RALGAPA1: variants seen among roughly 807,000 people sequenced by gnomAD.
The protein encoded by RALGAPA1 is ral GTPase-activating protein subunit alpha-1.
A neutral mutation model predicts 269.6 loss-of-function variants in RALGAPA1; 52 were observed. That is an observed-to-expected ratio of 0.19 (90% CI 0.15 to 0.24). The LOEUF is 0.24. Ranked by LOEUF, RALGAPA1 falls within the 10% of genes least tolerant of loss-of-function variation. RALGAPA1 has a pLI of 1.00. For missense variants in RALGAPA1, 1,917 were observed against 3,013.9 expected (o/e 0.64, Z 8.52); for synonymous variants, 817 against 1,008.3 (o/e 0.81, Z 3.60).
chr14:35,625,464 A>G, intron 34 of RALGAPA1, 32 bp from the exon 35 acceptor site: 1 of 1,477,240 alleles, frequency 6.8e-7, no homozygotes, highest in Non-Finnish European at 9.3e-7. Flanking sequence ...CATTTTCATC[A>G]CCTTTGCAGT....
chr14:35,559,799 G>A lies in RALGAPA1; in HGVS notation c.7497-10565C>T, dbSNP rs1400999216. Among the ~76,000 whole-genome samples, 5 of 152,294 alleles carry A rather than the reference G, an allele frequency of 3.3e-5. No individual in the cohort carries two copies. In the East Asian group the frequency reaches 7.7e-4, roughly 24 times the overall value. ...CAAAAGTACTTTATTCATCAATAAC[G>A]TGTAAAAGTGTAATAATGTGTAAAA... On this transcript the variant is annotated intron_variant, in intron 39 of 41. Coordinates refer to ENST00000680220, the MANE Select transcript of RALGAPA1 (RefSeq NM_001346249.2).
chr14:35,597,574 AGCCCCCCAGT>A (rs1275392548), intron 36 of RALGAPA1, among the ~76,000 whole-genome samples: 1 of 152,030 alleles, frequency 6.6e-6, no homozygotes, highest in African/African-American at 2.4e-5. Flanking sequence ...CTTTACCCAG[AGCCCCCCAGT>A]GCAAAACTCT....
intron 19 of RALGAPA1, 52 bp from the exon 20 acceptor site, chr14:35,685,197 A>T: frequency 7.0e-7 from 1 of 1,435,180 alleles, no homozygotes; most frequent in Non-Finnish European, 9.4e-7. Flanking sequence ...TATTCTCTTT[A>T]ACCATCTGAA....
At chr14:35,567,297 C>A (rs774851029) in intron 39 of RALGAPA1, among the ~76,000 whole-genome samples, 1 of 152,030 alleles carries the variant, frequency 6.6e-6, no homozygotes, top group African/African-American at 2.4e-5. Context: ...ACCAATCAAC[C>A]AAACATAAAA....
At chr14:35,643,326 T>TATA (rs1028253524) in intron 31 of RALGAPA1, among the ~76,000 whole-genome samples, 10 of 151,728 alleles carry the variant, frequency 6.6e-5, no homozygotes, top group South Asian at 2.1e-4. Flanking sequence ...GAACTTAAAG[T>TATA]ATAATAATAA....
intron 16 of RALGAPA1, among the ~76,000 whole-genome samples, chr14:35,711,508 C>A (rs1460471940): frequency 1.3e-5 from 2 of 152,192 alleles, no homozygotes; most frequent in Non-Finnish European, 2.9e-5. Flanking sequence ...AGTGCGGTGG[C>A]ATAATCTCCG....
intron 27 of RALGAPA1, among the ~76,000 whole-genome samples, chr14:35,660,058 A>G (rs1407361123): frequency 6.6e-6 from 1 of 152,082 alleles, no homozygotes; most frequent in Non-Finnish European, 1.5e-5. Flanking sequence ...AAGCCCATAG[A>G]TAACATCATA....
chr14:35,689,241 T>G lies in RALGAPA1; in HGVS notation c.3170A>C (p.Lys1057Thr), dbSNP rs1238270464. 1 of 1,232,280 alleles carries G rather than the reference T, an allele frequency of 8.1e-7. No homozygotes were observed. The highest frequency in any genetic ancestry group is 1.0e-6 in the Non-Finnish European group (1 of 988,168). The allele number at this position is 1,232,280 out of a possible 1,614,324, so 76.3% of individuals were successfully genotyped here. The part of the protein sequence containing the change: ...SEPSLDSPCD[K>T]EKRKHLYRQA... The stretch of plus-strand genomic sequence containing the variant: ...TCTGTACAGATGTTTCCTTTTTTCT[T>G]TATCACAAGGGCTATCTAAACTAGG... Residue 1057 changes from lysine to threonine, a missense_variant, in exon 18 of 42, where the codon AAA becomes ACA. Physicochemically the swap from Lys to Thr is moderately conservative, Grantham distance 78 (BLOSUM62 -1). Coordinates refer to ENST00000680220, the MANE Select transcript of RALGAPA1 (RefSeq NM_001346249.2).
chr14:35,702,762 C>T (rs548741089), intron 16 of RALGAPA1, among the ~76,000 whole-genome samples: 16 of 140,098 alleles, frequency 1.1e-4, no homozygotes, highest in South Asian at 6.6e-4. Context: ...TTTTTTGAGA[C>T]GGAGTCTCGC....
intron 9 of RALGAPA1, among the ~76,000 whole-genome samples, chr14:35,749,367 A>G (rs1567150601): frequency 6.6e-6 from 1 of 152,190 alleles, no homozygotes; most frequent in Admixed American, 6.5e-5. Context: ...AGAAAATTCT[A>G]TAATTCTAAT....
intron 4 of RALGAPA1, chr14:35,765,856 A>G: frequency 1.4e-6 from 1 of 735,224 alleles, no homozygotes; most frequent in Non-Finnish European, 2.3e-6. Context: ...AGTAGTTCCG[A>G]AATTGTTGGA....
At chr14:35,572,970 C>T (rs1250829091) in intron 37 of RALGAPA1, 2 of 238,246 alleles carry the variant, frequency 8.4e-6, no homozygotes, top group Non-Finnish European at 1.6e-5. Flanking sequence ...AGCCCAAATA[C>T]TCTCCTTAAC....
chr14:35,654,282 A>C (rs2063033470), intron 30 of RALGAPA1, 85 bp downstream of exon 30: 1 of 1,355,930 alleles, frequency 7.4e-7, no homozygotes, highest in Non-Finnish European at 9.7e-7. Flanking sequence ...AAAATTTTAA[A>C]ACTATTAAAT....
At chr14:35,802,521 G>A (rs922537990) in intron 1 of RALGAPA1, among the ~76,000 whole-genome samples, 1 of 152,150 alleles carries the variant, frequency 6.6e-6, no homozygotes, top group Non-Finnish European at 1.5e-5. Flanking sequence ...ACACTGCTGA[G>A]AGAAATTAAA....
chr14:35,704,296 C>G (rs1349098700), intron 16 of RALGAPA1, among the ~76,000 whole-genome samples: 3 of 152,100 alleles, frequency 2.0e-5, no homozygotes, highest in Non-Finnish European at 2.9e-5. Context: ...AAATTCATTG[C>G]AATCTCTCTT....
intron 31 of RALGAPA1, among the ~76,000 whole-genome samples, chr14:35,644,977 T>C (rs2062296804): frequency 6.6e-6 from 1 of 152,220 alleles, no homozygotes; most frequent in Admixed American, 6.5e-5. Context: ...TATAATTAGA[T>C]ACCATCTTAT....
chr14:35,656,643 G>A (rs141371013), intron 28 of RALGAPA1, among the ~76,000 whole-genome samples: 4 of 152,232 alleles, frequency 2.6e-5, no homozygotes, highest in South Asian at 2.1e-4. Flanking sequence ...GCCATGTCCC[G>A]ATACTGATAT....
At chr14:35,687,504 C>G (rs1335649951) in intron 18 of RALGAPA1, among the ~76,000 whole-genome samples, 1 of 152,146 alleles carries the variant, frequency 6.6e-6, no homozygotes, top group Non-Finnish European at 1.5e-5. Context: ...GCTAAGCTGT[C>G]AAATACTGCC....
intron 13 of RALGAPA1, 134 bp from the exon 14 acceptor site, chr14:35,725,287 G>C: frequency 1.9e-6 from 1 of 526,910 alleles, no homozygotes; most frequent in Non-Finnish European, 3.1e-6. Context: ...CAAATGTTTA[G>C]AGTTCCTTAA....
Sources: allele counts gnomAD v4.1 joint callset (sites outside exome capture counted in the v4.1 genomes callset), GRCh38; gene constraint gnomAD v4.1.1; transcripts MANE v1.5; gene names NCBI Gene and HGNC (gene_info 2026-07-23, HGNC 2026-07-21).